Variants in DLGAP2 observed in about 807,000 individuals in gnomAD.
DLGAP2 encodes DLG associated protein 2.
A neutral mutation model predicts 100.3 loss-of-function variants in DLGAP2; 26 were observed. The ratio of observed to expected loss-of-function variants is 0.26; its 90% CI spans 0.19 to 0.36. The LOEUF (loss-of-function observed/expected upper bound fraction) is 0.36. DLGAP2 is among the 10% of genes least tolerant of loss of function. The probability of loss-of-function intolerance (pLI) is 1.00; values close to 1 mark genes in which losing one functional copy is unlikely to be tolerated. For missense variants in DLGAP2, 1,858 were observed against 1,453.2 expected, an observed-to-expected ratio of 1.28 and a Z score of -4.53; for synonymous variants, 886 against 630.1, an observed-to-expected ratio of 1.41 and a Z score of -6.08.
At chr8:816,208 C>G (rs1796473831) in intron 1 of DLGAP2, among the ~76,000 whole-genome samples, 1 of 150,780 alleles carries the variant, frequency 6.6e-6, no homozygotes, top group Non-Finnish European at 1.5e-5. Flanking sequence ...CATTTACATT[C>G]AATGTTAGTA....
chr8:1,185,846 A>G (rs1797492121), intron 2 of DLGAP2, among the ~76,000 whole-genome samples: 1 of 152,050 alleles, frequency 6.6e-6, no homozygotes, highest in Non-Finnish European at 1.5e-5. Context: ...CATTCAGGAG[A>G]TCCAATCAGC....
chr8:1,325,992 T>C (rs912331822), intron 3 of DLGAP2, among the ~76,000 whole-genome samples: 1 of 152,194 alleles, frequency 6.6e-6, no homozygotes, highest in African/African-American at 2.4e-5. Flanking sequence ...TGCCTCCGGG[T>C]TAGCCATCTG....
At chr8:949,014 G>A (rs1014216144) in intron 2 of DLGAP2, among the ~76,000 whole-genome samples, 10 of 151,192 alleles carry the variant, frequency 6.6e-5, no homozygotes, top group South Asian at 2.1e-4. Context: ...ACCTGTCGGG[G>A]TGGCTGCCGC....
At chr8:1,266,097 AG>A (rs1176013995) in intron 3 of DLGAP2, among the ~76,000 whole-genome samples, 2 of 152,240 alleles carry the variant, frequency 1.3e-5, no homozygotes, top group Non-Finnish European at 2.9e-5. Flanking sequence ...ACCTCACTGA[AG>A]GGAGTGGGTG....
intron 2 of DLGAP2, among the ~76,000 whole-genome samples, chr8:1,031,070 G>A (rs1801958008): frequency 6.6e-6 from 1 of 152,200 alleles, no homozygotes; most frequent in Non-Finnish European, 1.5e-5. Context: ...TGTTCCCAGA[G>A]CCTGCCTGGC....
At chr8:1,329,766 T>C (rs1801106415) in intron 3 of DLGAP2, among the ~76,000 whole-genome samples, 1 of 152,224 alleles carries the variant, frequency 6.6e-6, no homozygotes, top group Non-Finnish European at 1.5e-5. Context: ...CGGCTGTACC[T>C]GCCTGAGCCC....
At chr8:1,531,107 G>A (rs926285763) in intron 4 of DLGAP2, among the ~76,000 whole-genome samples, 2 of 152,156 alleles carry the variant, frequency 1.3e-5, no homozygotes, top group Non-Finnish European at 2.9e-5. Flanking sequence ...TCCCTTGAAA[G>A]TGCTGAAACT....
At chr8:1,140,353 G>T (rs1426853827) in intron 2 of DLGAP2, among the ~76,000 whole-genome samples, 1 of 124,554 alleles carries the variant, frequency 8.0e-6, no homozygotes, top group Non-Finnish European at 1.8e-5. Flanking sequence ...GCAGAACAGG[G>T]CACACACACC....
intron 4 of DLGAP2, among the ~76,000 whole-genome samples, chr8:1,509,288 G>A (rs1230014649): frequency 1.3e-5 from 2 of 148,846 alleles, no homozygotes; most frequent in East Asian, 3.9e-4. Context: ...CTGATATTAC[G>A]CCTCTGTGCT....
chr8:1,547,852 C>G (rs1327657477), intron 4 of DLGAP2, among the ~76,000 whole-genome samples: 1 of 152,206 alleles, frequency 6.6e-6, no homozygotes, highest in Non-Finnish European at 1.5e-5. Flanking sequence ...CTCCTCCCAT[C>G]CTCACTGGCC....
intron 6 of DLGAP2, among the ~76,000 whole-genome samples, chr8:1,616,771 C>G (rs1337859247): frequency 1.3e-5 from 2 of 149,372 alleles, no homozygotes; most frequent in African/African-American, 5.0e-5. Context: ...GGGGTACATG[C>G]ACAGATTTGT....
chr8:1,237,567 C>A (rs1327128611), intron 2 of DLGAP2, among the ~76,000 whole-genome samples: 2 of 144,728 alleles, frequency 1.4e-5, no homozygotes, highest in African/African-American at 5.2e-5. Flanking sequence ...GTGTCTAGTT[C>A]TCTCACATGG....
chr8:1,175,660 C>G (rs1243990997), intron 2 of DLGAP2, among the ~76,000 whole-genome samples: 3 of 152,164 alleles, frequency 2.0e-5, no homozygotes, highest in African/African-American at 7.2e-5. Flanking sequence ...TGTGTTTTGC[C>G]ATGGCTTGGT....
At chr8:1,640,249 C>T (rs1211036355) in intron 8 of DLGAP2, among the ~76,000 whole-genome samples, 1 of 152,102 alleles carries the variant, frequency 6.6e-6, no homozygotes, top group African/African-American at 2.4e-5. Context: ...GGCTGATGGA[C>T]GCTGTGTGCA....
chr8:1,682,087 G>A (rs1035597046), intron 12 of DLGAP2, among the ~76,000 whole-genome samples: 11 of 152,192 alleles, frequency 7.2e-5, no homozygotes, highest in African/African-American at 1.7e-4. Context: ...TGCTGGATGT[G>A]CATCCCATCC....
intron 3 of DLGAP2, among the ~76,000 whole-genome samples, chr8:1,467,565 C>CCACGGG (rs1432801714): frequency 9.9e-5 from 15 of 152,092 alleles, no homozygotes; most frequent in Non-Finnish European, 2.2e-4. Flanking sequence ...GGATGGGAGA[C>CCACGGG]CACGGGCATT....
intron 2 of DLGAP2, among the ~76,000 whole-genome samples, chr8:1,043,679 A>G (rs1802437780): frequency 6.6e-6 from 1 of 152,016 alleles, no homozygotes; most frequent in African/African-American, 2.4e-5. Flanking sequence ...TTGGTCAGTC[A>G]TGTGGATTTG....
At chr8:1,271,317 C>A (rs531677099) in intron 3 of DLGAP2, among the ~76,000 whole-genome samples, 2 of 152,230 alleles carry the variant, frequency 1.3e-5, no homozygotes, top group Non-Finnish European at 2.9e-5. Context: ...CGGGGGGGTG[C>A]GCCCATTTCA....
At chr8:949,209 A>C (rs1248546869) in intron 2 of DLGAP2, among the ~76,000 whole-genome samples, 1 of 152,192 alleles carries the variant, frequency 6.6e-6, no homozygotes, top group South Asian at 2.1e-4. Context: ...GGGATGCATC[A>C]AGGGTCCAGC....
Sources: gnomAD v4.1 joint callset for allele counts (sites outside exome capture counted in the v4.1 genomes callset) on GRCh38, gnomAD v4.1.1 for gene constraint, MANE v1.5 for transcripts, NCBI Gene and HGNC (gene_info 2026-07-23, HGNC 2026-07-21) for gene names.